The following FOSL1 variants were observed in gnomAD, a reference collection of about 807,000 sequenced individuals.
The protein encoded by FOSL1 is fos-related antigen 1.
Under a neutral mutation model 24.9 loss-of-function variants are expected in FOSL1, and 14 were observed. The ratio of observed to expected loss-of-function variants is 0.56; its 90% confidence interval spans 0.37 to 0.88. FOSL1 has a LOEUF of 0.88. Among genes scored for constraint, FOSL1 ranks in the 40% least tolerant of loss-of-function variants. The probability of loss-of-function intolerance (pLI) is 0.00; values close to 1 mark genes in which losing one functional copy is unlikely to be tolerated. For synonymous variants in FOSL1, 133 were observed against 145.1 expected (o/e 0.92, Z 0.60); for missense variants, 318 against 359.8 (o/e 0.88, Z 0.94).
rs144674872 is a variant in FOSL1 at position 65,897,495 on chromosome 11, A to G, written c.100-489T>C. On this transcript the variant is annotated intron_variant, in intron 1 of 3. Coordinates refer to ENST00000312562, the MANE Select transcript of FOSL1 (RefSeq NM_005438.5). ...GCTGGGATTATAGGCGTGCACCACC[A>G]TGCCCGGCTAATTTTTGTATTTGTG... Among the ~76,000 whole-genome samples, 1,045 of 151,954 alleles carry G rather than the reference A, an allele frequency of 6.9e-3. 10 individuals carry two copies. The highest frequency in any genetic ancestry group is 0.024 in the African/African-American group (1,005 of 41,430).
At chr11:65,899,048 C>T (rs1860604204) in intron 1 of FOSL1, among the ~76,000 whole-genome samples, 2 of 150,968 alleles carry the variant, frequency 1.3e-5, no homozygotes, top group Non-Finnish European at 2.9e-5. Flanking sequence ...TCGATGAGGT[C>T]TTCGATTCCG....
chr11:65,895,941 G>T (rs1346092969), intron 2 of FOSL1, among the ~76,000 whole-genome samples: 1 of 152,242 alleles, frequency 6.6e-6, no homozygotes, highest in Non-Finnish European at 1.5e-5. Flanking sequence ...GCTTTGGGGA[G>T]CCAAGAATTG....
At chr11:65,893,525 T>C (rs1030956088) in intron 3 of FOSL1, among the ~76,000 whole-genome samples, 3 of 152,124 alleles carry the variant, frequency 2.0e-5, no homozygotes, top group Non-Finnish European at 1.5e-5. Flanking sequence ...AGGCAGTGAC[T>C]CCGGCCTGTA....
chr11:65,899,279 G>A (rs979853228), intron 1 of FOSL1, among the ~76,000 whole-genome samples: 1 of 152,328 alleles, frequency 6.6e-6, no homozygotes, highest in South Asian at 2.1e-4. Context: ...AAGCGCTGCG[G>A]GCCCGGCGTC....
intron 1 of FOSL1, among the ~76,000 whole-genome samples, chr11:65,899,031 T>C (rs1359359487): frequency 6.6e-6 from 1 of 151,932 alleles, no homozygotes; most frequent in Non-Finnish European, 1.5e-5. Flanking sequence ...GTGGGTTTTT[T>C]TTTCAATCGA....
chr11:65,894,083 G>A lies in FOSL1; in HGVS notation c.336C>T (p.Arg112=), dbSNP rs149112693. 125 of 1,610,596 alleles carry A rather than the reference G, an allele frequency of 7.8e-5. No homozygotes were observed. Among genetic ancestry groups the A allele is most frequent in the Middle Eastern group, 1.6e-4 (1 of 6,078 alleles). ...PEEEERRRVR[R]ERNKLAAAKC... is the part of the protein sequence containing the mutation. ...TGGCCGCAGCCAGCTTGTTCCGCTC[G>A]CGCCTTACTCGGCGGCGCTCCTCTT... is the stretch of plus-strand genomic sequence containing the variant. The change falls in exon 3 of 4, where the codon CGC becomes CGT. Residue 112 remains arginine (R), a synonymous_variant. Coordinates refer to ENST00000312562, the MANE Select transcript of FOSL1 (RefSeq NM_005438.5).
intron 1 of FOSL1, 87 bp from the exon 2 acceptor site, chr11:65,897,093 TTCA>T: frequency 1.0e-6 from 1 of 982,254 alleles, no homozygotes; most frequent in South Asian, 1.4e-5. Context: ...GCTGTCTACC[TTCA>T]ATGTACAGGC....
chr11:65,894,219 T>C (rs931750565), intron 2 of FOSL1, 98 bp from the exon 3 acceptor site: 29 of 816,520 alleles, frequency 3.6e-5, no homozygotes, highest in Non-Finnish European at 4.8e-5. Context: ...GCAGAGGTCA[T>C]GGCAGGGCCC....
intron 2 of FOSL1, among the ~76,000 whole-genome samples, chr11:65,895,999 G>A (rs1281017964): frequency 6.6e-6 from 1 of 152,188 alleles, no homozygotes; most frequent in East Asian, 1.9e-4. Context: ...GTGAGACAGC[G>A]TGGCTTGGTG....
intron 1 of FOSL1, 62 bp from the exon 2 acceptor site, chr11:65,897,068 G>T: frequency 8.0e-7 from 1 of 1,245,866 alleles, no homozygotes; most frequent in Non-Finnish European, 1.2e-6. Context: ...GCTTCCACTG[G>T]GCAGAGGCTA....
intron 1 of FOSL1, among the ~76,000 whole-genome samples, chr11:65,898,047 T>TTTTTTTTTTG (rs1198922802): frequency 2.4e-5 from 3 of 127,578 alleles, no homozygotes; most frequent in Non-Finnish European, 5.1e-5. Context: ...TCTTTTCTGT[T>TTTTTTTTTTG]TTTTTTTTTT....
Position 65,892,906 on chromosome 11 carries a change from G to A in FOSL1, c.796C>T (p.Pro266Ser). 1 of 1,611,820 alleles carries A rather than the reference G, an allele frequency of 6.2e-7. No homozygotes were observed. The highest frequency in any genetic ancestry group is 8.5e-7 in the Non-Finnish European group (1 of 1,179,936). Residue 266 changes from proline (P) to serine (S), a missense_variant, in exon 4 of 4, where the codon CCA becomes TCA. Physicochemically the swap from Pro to Ser is moderately conservative, Grantham distance 74 (BLOSUM62 -1). Coordinates refer to ENST00000312562, the MANE Select transcript of FOSL1 (RefSeq NM_005438.5). Reference protein sequence around the residue: ...GDPSSDPLGSPTLLAL With the variant: ...GDPSSDPLGSSTLLAL The stretch of plus-strand genomic sequence containing the variant: ...GCGCCTCACAAAGCGAGGAGGGTTG[G>A]AGAGCCAAGGGGGTCAGAGGATGGG...
intron 2 of FOSL1, among the ~76,000 whole-genome samples, chr11:65,895,258 C>T (rs1392406594): frequency 2.6e-5 from 4 of 151,598 alleles, no homozygotes; most frequent in Admixed American, 2.0e-4. Context: ...CGAGTAGCTG[C>T]GACTACAGGT....
At position 65,893,137 on chromosome 11, in the gene FOSL1, T is replaced by C; in HGVS notation, c.565A>G (p.Thr189Ala). 1 of 1,613,100 alleles carries C rather than the reference T, an allele frequency of 6.2e-7. No homozygotes were observed. The highest frequency in any genetic ancestry group is 8.5e-7 in the Non-Finnish European group (1 of 1,179,906). The change falls in exon 4 of 4, where the codon ACC (threonine) becomes GCC (alanine). Residue 189 changes from threonine to alanine, a missense_variant. Transcript: ENST00000312562. The stretch of plus-strand genomic sequence containing the variant: ...CGGCAGGGGGCTGGTGGGCTGCTGG[T>C]GCCACTGGTACTGCCTGTGTCCCCC... ...KEGDTGSTSG[T>A]SSPPAPCRPV...
Position 65,900,224 on chromosome 11 carries a change from CGTCGGGCCCCA to C in FOSL1, c.99+6_99+16del, listed in dbSNP as rs1473227086. 4.4e-5 allele frequency: 53 copies of C among 1,197,258 alleles called. No individual in the cohort carries two copies. The highest frequency in any genetic ancestry group is 5.4e-5 in the Non-Finnish European group (52 of 954,702). The allele number at this position is 1,197,258 out of a possible 1,614,324, so 74.2% of individuals were successfully genotyped here. ...CGCGGTCCTCCCGTGGGACCACCGG[CGTCGGGCCCCA>C]CTCACCTGCTGGGCTGCCTGCGCTG... On this transcript the variant is annotated splice_donor_region_variant and intron_variant, in intron 1 of 3. Coordinates refer to ENST00000312562, the MANE Select transcript of FOSL1 (RefSeq NM_005438.5).
intron 1 of FOSL1, 150 bp downstream of exon 1, chr11:65,900,091 C>T: frequency 2.5e-6 from 1 of 407,922 alleles, no homozygotes; most frequent in Non-Finnish European, 4.2e-6. Flanking sequence ...GGGCAACTGG[C>T]CCCGGACGGC....
At chr11:65,893,914 A>C in intron 3 of FOSL1, 100 bp downstream of exon 3, 27 of 787,938 alleles carry the variant, frequency 3.4e-5, no homozygotes, top group East Asian at 5.4e-5. Context: ...CCCTCAGACA[A>C]GGAGCTAGGA....
At chr11:65,899,442 C>T (rs539280584) in intron 1 of FOSL1, among the ~76,000 whole-genome samples, 1 of 152,348 alleles carries the variant, frequency 6.6e-6, no homozygotes, top group South Asian at 2.1e-4. Flanking sequence ...GCCCCTCCTT[C>T]CCTCCCCTGT....
At chr11:65,899,616 A>G (rs1860620511) in intron 1 of FOSL1, among the ~76,000 whole-genome samples, 1 of 152,196 alleles carries the variant, frequency 6.6e-6, no homozygotes, top group African/African-American at 2.4e-5. Flanking sequence ...TATTCGCCGC[A>G]TTCGGCAAAG....
Sources: gnomAD v4.1 joint callset for allele counts (sites outside exome capture counted in the v4.1 genomes callset) on GRCh38, gnomAD v4.1.1 for gene constraint, MANE v1.5 for transcripts, NCBI Gene and HGNC (gene_info 2026-07-23, HGNC 2026-07-21) for gene names.